Variants in KLF12 observed in about 807,000 individuals in gnomAD.
KLF12 encodes the protein KLF transcription factor 12.
A neutral mutation model predicts 37.8 loss-of-function variants in KLF12; 9 were observed. The ratio of observed to expected loss-of-function variants is 0.24; its 90% CI spans 0.14 to 0.42. The LOEUF (loss-of-function observed/expected upper bound fraction) is 0.42, where lower values mean the gene tolerates loss of function less well. KLF12 is among the 10% of genes least tolerant of loss of function. KLF12 has a pLI of 1.00. For synonymous variants in KLF12, 208 were observed against 202.1 expected (o/e 1.03, Z -0.25); for missense variants, 411 against 516.0 (o/e 0.80, Z 1.97).
At chr13:74,112,699 A>C (rs368191028) in intron 1 of KLF12, among the ~76,000 whole-genome samples, 3 of 152,074 alleles carry the variant, frequency 2.0e-5, no homozygotes, top group African/African-American at 7.2e-5. Context: ...CAATTCCTTC[A>C]TCTCTCTCCC....
intron 3 of KLF12, among the ~76,000 whole-genome samples, chr13:73,859,270 T>C (rs773013508): frequency 2.0e-5 from 3 of 152,176 alleles, no homozygotes; most frequent in Admixed American, 6.5e-5. Context: ...AGGCAAGAGC[T>C]TTCTCTTCCG....
intron 6 of KLF12, among the ~76,000 whole-genome samples, chr13:73,732,672 C>T (rs1229290068): frequency 1.3e-5 from 2 of 152,208 alleles, no homozygotes; most frequent in Non-Finnish European, 2.9e-5. Flanking sequence ...TCTGTTTCAA[C>T]TCTTCCTTGA....
the KLF12 span, among the ~76,000 whole-genome samples, chr13:74,150,641 A>G: frequency 6.6e-6 from 1 of 152,364 alleles, no homozygotes; most frequent in South Asian, 2.1e-4. Context: ...TAAAGGAAAC[A>G]CTTGATGGCA....
chr13:73,868,516 G>T (rs1388338545), intron 3 of KLF12, among the ~76,000 whole-genome samples: 1 of 151,790 alleles, frequency 6.6e-6, no homozygotes, highest in African/African-American at 2.4e-5. Flanking sequence ...TCAGCCTCCC[G>T]AGTAGCTGGG....
At chr13:74,259,022 G>C in the KLF12 span, 1 of 152,274 alleles carries the variant, frequency 6.6e-6, no homozygotes, top group South Asian at 2.1e-4. Flanking sequence ...GTACTGATCA[G>C]CTAATTTCCG....
chr13:74,051,335 CACACAA>C (rs1872909861), intron 1 of KLF12, among the ~76,000 whole-genome samples: 1 of 90,558 alleles, frequency 1.1e-5, no homozygotes, highest in Non-Finnish European at 2.2e-5. Context: ...TATACATACA[CACACAA>C]ACACACACAC....
chr13:73,989,291 C>A (rs1310289370), intron 2 of KLF12, among the ~76,000 whole-genome samples: 16 of 152,220 alleles, frequency 1.1e-4, no homozygotes, highest in Admixed American at 9.8e-4. Flanking sequence ...TGGGAGCTGA[C>A]AAACAGCTCC....
chr13:73,764,474 A>C (rs548601222), intron 6 of KLF12, among the ~76,000 whole-genome samples: 4 of 106,350 alleles, frequency 3.8e-5, no homozygotes, highest in African/African-American at 6.4e-5. Context: ...GTACTCCCCA[A>C]ATTAAAAAAA....
chr13:74,106,903 GA>G (rs200327476), intron 1 of KLF12, among the ~76,000 whole-genome samples: 169 of 142,824 alleles, frequency 1.2e-3, no homozygotes, highest in African/African-American at 1.3e-3. Context: ...GAGCTCAAAG[GA>G]AAAAAAAAAA....
intron 1 of KLF12, among the ~76,000 whole-genome samples, chr13:74,095,044 T>G (rs979435255): frequency 1.3e-5 from 2 of 152,246 alleles, no homozygotes; most frequent in Non-Finnish European, 2.9e-5. Context: ...ATAGTTAATG[T>G]GTTTCAATTT....
intron 1 of KLF12, among the ~76,000 whole-genome samples, chr13:74,119,225 T>C (rs1403803135): frequency 1.3e-5 from 2 of 151,336 alleles, no homozygotes; most frequent in African/African-American, 2.4e-5. Context: ...CCCAGATACT[T>C]GGGAGGCTGA....
At chr13:73,879,667 CTTAA>C (rs2138939284) in intron 3 of KLF12, among the ~76,000 whole-genome samples, 1 of 152,326 alleles carries the variant, frequency 6.6e-6, no homozygotes, top group African/African-American at 2.4e-5. Context: ...AAAACAATGA[CTTAA>C]TTACTCAAAG....
the KLF12 span, among the ~76,000 whole-genome samples, chr13:74,179,430 T>G: frequency 6.6e-6 from 1 of 152,208 alleles, no homozygotes; most frequent in African/African-American, 2.4e-5. Flanking sequence ...ACTGCCTTTT[T>G]GAATGTCAGT....
chr13:74,134,421 T>C (rs1878450877), upstream of KLF12, among the ~76,000 whole-genome samples: 1 of 151,804 alleles, frequency 6.6e-6, no homozygotes, highest in Non-Finnish European at 1.5e-5. Flanking sequence ...TGAAATCCCC[T>C]GTGGGAAACT....
intron 1 of KLF12, among the ~76,000 whole-genome samples, chr13:74,050,338 A>C (rs1258591408): frequency 1.3e-5 from 2 of 152,216 alleles, no homozygotes; most frequent in Non-Finnish European, 2.9e-5. Flanking sequence ...CACATGCTGG[A>C]TTTGAAAAAA....
At chr13:74,201,714 T>G in the KLF12 span, among the ~76,000 whole-genome samples, 2 of 152,168 alleles carry the variant, frequency 1.3e-5, no homozygotes, top group Non-Finnish European at 2.9e-5. Flanking sequence ...AAATCCAGGC[T>G]TCTCTGGCTC....
chr13:74,289,921 T>C, the KLF12 span, among the ~76,000 whole-genome samples: 2 of 151,948 alleles, frequency 1.3e-5, no homozygotes, highest in African/African-American at 4.8e-5. Context: ...ATCCTAAGAG[T>C]TAAAAACTTG....
intron 5 of KLF12, among the ~76,000 whole-genome samples, chr13:73,797,214 A>G (rs1161680369): frequency 1.3e-5 from 2 of 152,210 alleles, no homozygotes; most frequent in South Asian, 2.1e-4. Context: ...CTTCCTGTCT[A>G]TATTTCCCAT....
chr13:73,710,739 A>G (rs1337445760), intron 7 of KLF12, among the ~76,000 whole-genome samples: 3 of 122,774 alleles, frequency 2.4e-5, no homozygotes, highest in Non-Finnish European at 5.1e-5. Context: ...CTATTCCTTG[A>G]GACACAACAA....
Sources: allele counts gnomAD v4.1 joint callset (sites outside exome capture counted in the v4.1 genomes callset), GRCh38; gene constraint gnomAD v4.1.1; transcripts MANE v1.5; gene names NCBI Gene and HGNC (gene_info 2026-07-23, HGNC 2026-07-21).